The following NRXN1 variants were observed in gnomAD, a reference collection of about 807,000 sequenced individuals.
NRXN1 encodes the protein neurexin-1.
In NRXN1, 39 loss-of-function variants were observed where a neutral mutation model predicts 150.9. The ratio of observed to expected loss-of-function variants is 0.26; its 90% CI spans 0.20 to 0.34. NRXN1 has a LOEUF of 0.34. Ranked by LOEUF, NRXN1 falls within the 10% of genes least tolerant of loss-of-function variation. NRXN1 has a pLI of 1.00. For synonymous variants in NRXN1, 924 were observed against 757.0 expected (o/e 1.22, Z -3.62); for missense variants, 1,815 against 1,949.9 (o/e 0.93, Z 1.30).
rs113639817 is a variant in NRXN1 at position 49,968,138 on chromosome 2, C to CA, written c.4129-24348dup. Among the ~76,000 whole-genome samples, 1,090 of 137,652 alleles carry CA rather than the reference C, an allele frequency of 7.9e-3. 8 individuals are homozygous for CA. Among genetic ancestry groups the CA allele is most frequent in the African/African-American group, 0.025 (912 of 36,720 alleles). The allele number at this position is 137,652 out of a possible 152,430, so 90.3% of individuals were successfully genotyped here. Reference sequence around the variant, plus strand: ...CACTCACCTACCCACTCCATCCCACCAAAAAAAAAAAAAGAAAATTAAGAG... The same window carrying CA: ...CACTCACCTACCCACTCCATCCCACCAAAAAAAAAAAAAAGAAAATTAAGAG... On this transcript the variant is annotated intron_variant, in intron 21 of 22. Coordinates refer to ENST00000401669, the MANE Select transcript of NRXN1 (RefSeq NM_001330078.2).
chr2:50,527,162 A>AT (rs2092975466), intron 12 of NRXN1, among the ~76,000 whole-genome samples: 2 of 152,306 alleles, frequency 1.3e-5, no homozygotes, highest in African/African-American at 4.8e-5. Context: ...CTAGAAAGGA[A>AT]TATTGGTCCC....
chr2:50,216,007 G>C (rs2063370071), intron 18 of NRXN1, among the ~76,000 whole-genome samples: 1 of 152,020 alleles, frequency 6.6e-6, no homozygotes, highest in Non-Finnish European at 1.5e-5. Context: ...CTTATAAGTA[G>C]ATAAAGAATG....
At chr2:50,926,770 T>C (rs1481853934) in intron 2 of NRXN1, among the ~76,000 whole-genome samples, 5 of 151,910 alleles carry the variant, frequency 3.3e-5, no homozygotes, top group Admixed American at 3.3e-4. Flanking sequence ...TTTCTATATA[T>C]CTATAAAATA....
intron 21 of NRXN1, among the ~76,000 whole-genome samples, chr2:49,999,252 G>A (rs965402417): frequency 1.3e-5 from 2 of 151,978 alleles, no homozygotes; most frequent in Non-Finnish European, 2.9e-5. Context: ...CTATAAATAA[G>A]ATCTAAAAAT....
At chr2:50,886,185 C>T (rs1211580218) in intron 5 of NRXN1, among the ~76,000 whole-genome samples, 2 of 151,232 alleles carry the variant, frequency 1.3e-5, no homozygotes, top group African/African-American at 4.8e-5. Context: ...TTTACCCAAA[C>T]ACTTTTCTAA....
At chr2:50,628,160 G>T (rs1681516760) in intron 5 of NRXN1, among the ~76,000 whole-genome samples, 1 of 151,632 alleles carries the variant, frequency 6.6e-6, no homozygotes, top group Non-Finnish European at 1.5e-5. Context: ...TCTCAACAAA[G>T]GTTTTGTTTG....
At chr2:50,576,884 T>A (rs1573616385) in intron 8 of NRXN1, among the ~76,000 whole-genome samples, 1 of 152,102 alleles carries the variant, frequency 6.6e-6, no homozygotes, top group Non-Finnish European at 1.5e-5. Context: ...TCCTCTGTGG[T>A]TAAGTAGCTC....
intron 17 of NRXN1, among the ~76,000 whole-genome samples, chr2:50,453,292 G>A (rs929259060): frequency 2.0e-5 from 3 of 152,144 alleles, no homozygotes; most frequent in Non-Finnish European, 4.4e-5. Flanking sequence ...GGTCTGGGGT[G>A]AGATCTAAGA....
At chr2:50,753,974 C>A (rs3914734) in intron 5 of NRXN1, among the ~76,000 whole-genome samples, 5 of 126,678 alleles carry the variant, frequency 3.9e-5, no homozygotes, top group Admixed American at 8.9e-5. Flanking sequence ...TGGGGGGGGG[C>A]GGAATTCCCA....
chr2:50,126,519 G>A (rs952251097), intron 18 of NRXN1, among the ~76,000 whole-genome samples: 2 of 151,998 alleles, frequency 1.3e-5, no homozygotes, highest in Non-Finnish European at 2.9e-5. Context: ...AAAAAAGCAA[G>A]TAAGATATAA....
At chr2:50,802,980 A>G (rs537093132) in intron 5 of NRXN1, among the ~76,000 whole-genome samples, 19 of 152,300 alleles carry the variant, frequency 1.2e-4, no homozygotes, top group Admixed American at 1.0e-3. Context: ...TCAGATTTTT[A>G]GCCTCTACAA....
intron 17 of NRXN1, among the ~76,000 whole-genome samples, chr2:50,280,996 T>A (rs988288192): frequency 6.6e-6 from 1 of 152,060 alleles, no homozygotes; most frequent in Non-Finnish European, 1.5e-5. Flanking sequence ...TGTATTTTTA[T>A]TATTTTTTAT....
intron 21 of NRXN1, among the ~76,000 whole-genome samples, chr2:49,955,835 A>G (rs1396005015): frequency 2.0e-5 from 3 of 152,136 alleles, no homozygotes; most frequent in Admixed American, 1.3e-4. Flanking sequence ...TGTAAGACAG[A>G]ATGCACTAAT....
chr2:50,352,122 T>C (rs551337169), intron 17 of NRXN1, among the ~76,000 whole-genome samples: 1 of 152,240 alleles, frequency 6.6e-6, no homozygotes, highest in Non-Finnish European at 1.5e-5. Context: ...CACTCACGCC[T>C]GATGATTTAT....
chr2:50,482,865 G>T (rs1006401167), intron 15 of NRXN1, among the ~76,000 whole-genome samples: 6 of 151,558 alleles, frequency 4.0e-5, no homozygotes, highest in African/African-American at 1.5e-4. Flanking sequence ...GGAGGCTGTG[G>T]CGGGAAGAAA....
intron 19 of NRXN1, among the ~76,000 whole-genome samples, chr2:50,061,315 T>C (rs1694500715): frequency 6.6e-6 from 1 of 152,206 alleles, no homozygotes; most frequent in Non-Finnish European, 1.5e-5. Context: ...GCAAAAATAA[T>C]TTCCAATGAC....
chr2:50,203,703 G>C (rs1197679576), intron 18 of NRXN1, among the ~76,000 whole-genome samples: 1 of 152,094 alleles, frequency 6.6e-6, no homozygotes, highest in African/African-American at 2.4e-5. Context: ...CAGAAGAAAA[G>C]AGAAGACATA....
intron 1 of NRXN1, among the ~76,000 whole-genome samples, chr2:51,031,653 A>G (rs1671573517): frequency 6.6e-6 from 1 of 152,140 alleles, no homozygotes. Context: ...CGATGGGCAC[A>G]GTGTGGGGCT....
chr2:50,356,719 A>C (rs1336398441), intron 17 of NRXN1, among the ~76,000 whole-genome samples: 1 of 152,212 alleles, frequency 6.6e-6, no homozygotes, highest in Non-Finnish European at 1.5e-5. Flanking sequence ...AGCAAGTGGA[A>C]TTAATCTACT....
Sources: allele counts gnomAD v4.1 joint callset (sites outside exome capture counted in the v4.1 genomes callset), GRCh38; gene constraint gnomAD v4.1.1; transcripts MANE v1.5; gene names NCBI Gene and HGNC (gene_info 2026-07-23, HGNC 2026-07-21).